Variants in CLDN18 observed in about 807,000 individuals in gnomAD.
CLDN18 encodes claudin-18.
In CLDN18, 20 loss-of-function variants were observed where a neutral mutation model predicts 25.0. That is an observed-to-expected ratio of 0.80 (90% confidence interval 0.56 to 1.16). The LOEUF (loss-of-function observed/expected upper bound fraction) is 1.16. Among genes scored for constraint, CLDN18 ranks in the 50% most tolerant of loss-of-function variants. The pLI is 0.00. For missense variants in CLDN18, 297 were observed against 345.4 expected (o/e 0.86, Z 1.11); for synonymous variants, 125 against 135.6 (o/e 0.92, Z 0.54).
chr3:138,016,885 C>G lies in CLDN18; in HGVS notation c.220+6440C>G, dbSNP rs561035256. Among the ~76,000 whole-genome samples, 3 of 152,232 alleles carry G rather than the reference C, an allele frequency of 2.0e-5. No individual in the cohort carries two copies. In the South Asian group the frequency reaches 6.2e-4, roughly 32 times the overall value. On this transcript the variant is annotated intron_variant, in intron 1 of 4. Transcript: ENST00000183605. ...CCTGACCAATATGGTGAAACCCTGT[C>G]TCTACTAAAAATATGAACAAATTAG...
intron 1 of CLDN18, among the ~76,000 whole-genome samples, chr3:138,017,179 T>G (rs907007210): frequency 4.6e-5 from 7 of 152,210 alleles, no homozygotes; most frequent in African/African-American, 1.7e-4. Flanking sequence ...CATTTGTTCT[T>G]CTAGCCTTTT....
intron 1 of CLDN18, among the ~76,000 whole-genome samples, chr3:138,001,010 C>G (rs1942010233): frequency 6.6e-6 from 1 of 152,266 alleles, no homozygotes; most frequent in East Asian, 1.9e-4. Context: ...AATGACAAAT[C>G]ATGCACTAGC....
At chr3:138,013,184 C>A (rs1167028758) in intron 1 of CLDN18, among the ~76,000 whole-genome samples, 1 of 152,168 alleles carries the variant, frequency 6.6e-6, no homozygotes, top group African/African-American at 2.4e-5. Flanking sequence ...GACAGTAAAT[C>A]ATTTTTGTAC....
intron 1 of CLDN18, among the ~76,000 whole-genome samples, chr3:138,002,469 A>G (rs1210940225): frequency 1.3e-5 from 2 of 152,170 alleles, no homozygotes; most frequent in Non-Finnish European, 2.9e-5. Flanking sequence ...TTTAATCTAC[A>G]TGACTCTGTT....
Position 138,011,190 on chromosome 3 carries a change from A to G in CLDN18, c.220+745A>G, listed in dbSNP as rs186532204. ...TGAATAATATGGGAGCTCTATTTGT[A>G]TTTTTAAAATGCAAACAAGAAAATA... On this transcript the variant is annotated intron_variant, in intron 1 of 4. Transcript: ENST00000183605. Among the ~76,000 whole-genome samples, 11 of 152,318 alleles carry G rather than the reference A, an allele frequency of 7.2e-5. No homozygotes were observed. In the East Asian group the frequency reaches 2.1e-3, roughly 29 times the overall value.
chr3:138,030,261 G>C (rs1223903732), intron 4 of CLDN18, among the ~76,000 whole-genome samples: 1 of 152,254 alleles, frequency 6.6e-6, no homozygotes, highest in Non-Finnish European at 1.5e-5. Flanking sequence ...GTGGGGGAAA[G>C]TGATACTGGC....
intron 1 of CLDN18, among the ~76,000 whole-genome samples, chr3:138,023,399 A>G (rs1274041389): frequency 6.6e-6 from 1 of 152,210 alleles, no homozygotes; most frequent in Non-Finnish European, 1.5e-5. Flanking sequence ...CCAAGTTCCA[A>G]CCATCCATAA....
rs535940734 is a variant in CLDN18, at chr3:138,021,988, G to C, written c.221-1670G>C. ...AAATAATAATAATAACAATGGTGCT[G>C]GGATAGCACCTGAAACCTAAGGAAG... On this transcript the variant is annotated intron_variant, in intron 1 of 4. Coordinates refer to ENST00000183605, the MANE Select transcript of CLDN18 (RefSeq NM_016369.4). Among the ~76,000 whole-genome samples, 11 of 152,288 alleles carry C rather than the reference G, an allele frequency of 7.2e-5. No homozygotes were observed. In the South Asian group the frequency reaches 2.3e-3, roughly 32 times the overall value.
At chr3:138,030,879 A>G in intron 4 of CLDN18, 91 bp from the exon 5 acceptor site, 1 of 1,209,858 alleles carries the variant, frequency 8.3e-7, no homozygotes, top group South Asian at 1.4e-5. Flanking sequence ...CTGGACTTTC[A>G]GTGCCAAGAC....
chr3:138,016,141 G>A (rs985049334), intron 1 of CLDN18, among the ~76,000 whole-genome samples: 5 of 152,192 alleles, frequency 3.3e-5, no homozygotes, highest in African/African-American at 1.2e-4. Flanking sequence ...AGGAAAATAT[G>A]TATTAGCTTT....
At chr3:138,015,905 T>G (rs1040499634) in intron 1 of CLDN18, among the ~76,000 whole-genome samples, 1 of 152,244 alleles carries the variant, frequency 6.6e-6, no homozygotes, top group Admixed American at 6.5e-5. Context: ...TGCAACAAGT[T>G]GTATTGTATA....
intron 1 of CLDN18, among the ~76,000 whole-genome samples, chr3:138,014,341 C>A (rs1228212519): frequency 4.6e-5 from 7 of 152,126 alleles, no homozygotes; most frequent in African/African-American, 1.7e-4. Flanking sequence ...AGTAGCCATG[C>A]ACTGAGGGCT....
intron 1 of CLDN18, among the ~76,000 whole-genome samples, chr3:138,000,615 TCAGTAGGA>T (rs1942006027): frequency 6.6e-6 from 1 of 152,096 alleles, no homozygotes; most frequent in African/African-American, 2.4e-5. Flanking sequence ...AGAGATTGAA[TCAGTAGGA>T]CAGTCAAAGG....
At chr3:137,998,852 C>A in exon 1 of CLDN18, 1 of 1,612,902 alleles carries the variant, frequency 6.2e-7, no homozygotes, top group Admixed American at 1.7e-5. Flanking sequence ...GGCTCTGTGT[C>A]GACACTGTGC....
chr3:138,015,223 A>C (rs749031027), intron 1 of CLDN18, among the ~76,000 whole-genome samples: 1 of 152,222 alleles, frequency 6.6e-6, no homozygotes, highest in Non-Finnish European at 1.5e-5. Context: ...AAAGAAACTC[A>C]AAAGCTAAAG....
intron 1 of CLDN18, among the ~76,000 whole-genome samples, chr3:138,012,108 C>T (rs1340744875): frequency 6.6e-6 from 1 of 152,182 alleles, no homozygotes. Flanking sequence ...CTCACTTATG[C>T]ATATGGCCTC....
upstream of CLDN18, chr3:138,010,154 G>T: frequency 6.4e-7 from 1 of 1,552,082 alleles, no homozygotes; most frequent in Admixed American, 1.9e-5. Flanking sequence ...CCTCAGGAGC[G>T]CGTTAGCTTC....
At chr3:138,011,172 T>C (rs1288671363) in intron 1 of CLDN18, among the ~76,000 whole-genome samples, 1 of 152,174 alleles carries the variant, frequency 6.6e-6, no homozygotes, top group East Asian at 1.9e-4. Flanking sequence ...TTCTGAATAA[T>C]ATGGGAGCTC....
intron 3 of CLDN18, among the ~76,000 whole-genome samples, chr3:138,026,618 C>G (rs1396858816): frequency 6.6e-6 from 1 of 152,124 alleles, no homozygotes; most frequent in East Asian, 1.9e-4. Flanking sequence ...GCACTCCAGC[C>G]TGGGTGACAG....
Sources: gnomAD v4.1 joint callset for allele counts (sites outside exome capture counted in the v4.1 genomes callset) on GRCh38, gnomAD v4.1.1 for gene constraint, MANE v1.5 for transcripts, NCBI Gene and HGNC (gene_info 2026-07-23, HGNC 2026-07-21) for gene names.